MTMR8: variants seen among roughly 807,000 people sequenced by gnomAD.
MTMR8 encodes myotubularin related protein 8.
A neutral mutation model predicts 39.3 loss-of-function variants in MTMR8; 65 were observed. That is an observed-to-expected ratio of 1.65 (90% CI 1.35 to 2.03). The LOEUF (loss-of-function observed/expected upper bound fraction) is 2.03. Ranked by LOEUF, MTMR8 falls within the 30% of genes most tolerant of loss-of-function variation. The pLI, the probability that MTMR8 is intolerant of heterozygous loss-of-function variation, is 0.00. For missense variants in MTMR8, 777 were observed against 538.9 expected, an observed-to-expected ratio of 1.44 and a Z score of -4.37; for synonymous variants, 245 against 185.2, an observed-to-expected ratio of 1.32 and a Z score of -2.62.
chrX:64,392,175 A>G (rs552192629), intron 1 of MTMR8, among the ~76,000 whole-genome samples: 1 of 111,760 alleles, frequency 8.9e-6, no homozygotes, highest in South Asian at 3.8e-4. Flanking sequence ...TAAAATTGGT[A>G]GTGTCTAGAT....
At chrX:64,275,604 A>C (rs1278475827) in intron 12 of MTMR8, among the ~76,000 whole-genome samples, 1 of 100,879 alleles carries the variant, frequency 9.9e-6, no homozygotes, top group African/African-American at 3.7e-5. Flanking sequence ...GGACTGCTTG[A>C]GCCTCGTCCA....
intron 3 of MTMR8, 136 bp from the exon 4 acceptor site, chrX:64,355,070 G>C (rs1923588537): frequency 2.2e-6 from 1 of 463,814 alleles, no homozygotes; most frequent in African/African-American, 2.5e-5. Context: ...ACTGTGGTGT[G>C]TGCAAGTTTG....
chrX:64,338,836 G>A (rs1278503620), intron 8 of MTMR8, among the ~76,000 whole-genome samples: 2 of 111,888 alleles, frequency 1.8e-5, no homozygotes, highest in Non-Finnish European at 1.9e-5. Context: ...ATTTTAACAG[G>A]ACAGAGTGAG....
At chrX:64,284,737 G>A (rs1342939495) in intron 12 of MTMR8, among the ~76,000 whole-genome samples, 2 of 111,286 alleles carry the variant, frequency 1.8e-5, no homozygotes, top group East Asian at 5.6e-4. Context: ...CTTCATAAGT[G>A]AAGGAGAAAT....
chrX:64,268,734 T>C lies in MTMR8; in HGVS notation c.1918A>G (p.Met640Val), dbSNP rs776243332. The C allele has an allele frequency of 2.6e-5, 32 of 1,211,596 alleles. No homozygotes were observed. Among genetic ancestry groups the C allele is most frequent in the Non-Finnish European group, 3.0e-5 (27 of 895,426 alleles). Residue 640 changes from methionine to valine, a missense_variant, in exon 14 of 14, where the codon ATG (methionine) becomes GTG (valine). Transcript: ENST00000374852. Reference sequence around the variant, plus strand: ...AAGCCCGTAGCCTCAAAGGTGCACATGTCTCCAGAGATGCCCATGGCCTCA... The same window carrying C: ...AAGCCCGTAGCCTCAAAGGTGCACACGTCTCCAGAGATGCCCATGGCCTCA... ...ISEAMGISGD[M>V]CTFEATGFSK...
intron 12 of MTMR8, among the ~76,000 whole-genome samples, chrX:64,294,745 G>C (rs1477617095): frequency 1.8e-5 from 2 of 111,591 alleles, no homozygotes; most frequent in African/African-American, 6.5e-5. Context: ...ATGACAGAAG[G>C]AGAAAACAAT....
At chrX:64,278,416 T>A (rs764862546) in intron 12 of MTMR8, among the ~76,000 whole-genome samples, 78 of 106,334 alleles carry the variant, frequency 7.3e-4, no homozygotes, top group Non-Finnish European at 1.3e-3. Context: ...GGGGTTTCTG[T>A]GTGGATGTCC....
intron 13 of MTMR8, 81 bp downstream of exon 13, chrX:64,270,866 A>G: frequency 2.8e-6 from 3 of 1,080,948 alleles, no homozygotes; most frequent in Non-Finnish European, 3.7e-6. Flanking sequence ...TCAGCTTTCC[A>G]CAAGTATCAA....
At chrX:64,348,894 G>T in intron 5 of MTMR8, 100 bp from the exon 6 acceptor site, 2 of 930,266 alleles carry the variant, frequency 2.1e-6, no homozygotes, top group Non-Finnish European at 3.0e-6. Flanking sequence ...GAGAGGATGA[G>T]CCAACTTAAG....
chrX:64,356,671 G>C (rs932844952), intron 2 of MTMR8, among the ~76,000 whole-genome samples: 1 of 110,679 alleles, frequency 9.0e-6, no homozygotes, highest in African/African-American at 3.3e-5. Context: ...CAGAATAATT[G>C]TTACAGAGGA....
At chrX:64,274,016 C>T (rs1011734445) in intron 12 of MTMR8, among the ~76,000 whole-genome samples, 53 of 111,414 alleles carry the variant, frequency 4.8e-4, no homozygotes, top group Non-Finnish European at 4.9e-4. Flanking sequence ...TAGATTACTT[C>T]GATACTCTAC....
intron 4 of MTMR8, among the ~76,000 whole-genome samples, chrX:64,350,864 C>T (rs1469777106): frequency 1.8e-5 from 2 of 111,457 alleles, no homozygotes; most frequent in East Asian, 5.6e-4. Flanking sequence ...ACAGACCTGA[C>T]ATTGCAAAAT....
intron 1 of MTMR8, among the ~76,000 whole-genome samples, chrX:64,362,593 A>G (rs1450437022): frequency 9.2e-6 from 1 of 108,730 alleles, no homozygotes; most frequent in East Asian, 2.8e-4. Flanking sequence ...ATGGCACTAC[A>G]AATTGACAGA....
chrX:64,391,690 G>C (rs1924694297), intron 1 of MTMR8, among the ~76,000 whole-genome samples: 1 of 112,243 alleles, frequency 8.9e-6, no homozygotes, highest in Non-Finnish European at 1.9e-5. Flanking sequence ...GCCAGACATT[G>C]TTCTAAGCAC....
chrX:64,268,961 C>T lies in MTMR8; in HGVS notation c.1691G>A (p.Ser564Asn), dbSNP rs1309115105. 8.3e-7 allele frequency: 1 copy of T among 1,209,623 alleles called. No homozygotes were observed. The highest frequency in any genetic ancestry group is 1.7e-5 in the African/African-American group (1 of 57,169). The change falls in exon 14 of 14, where the codon AGT (serine) becomes AAT (asparagine). Residue 564 changes from serine to asparagine, a missense_variant. Physicochemically the swap from Ser to Asn is conservative, Grantham distance 46. Transcript: ENST00000374852. Reference protein sequence around the residue: ...LGNILSQHLGSPLTNPLGFMG... With the variant: ...LGNILSQHLGNPLTNPLGFMG... Reference sequence around the variant, plus strand: ...AAAGCCAAGAGGATTGGTCAAAGGACTTCCCAGATGCTGGGATAATATGTT... The same window carrying T: ...AAAGCCAAGAGGATTGGTCAAAGGATTTCCCAGATGCTGGGATAATATGTT...
At chrX:64,313,982 T>A (rs1020684498) in intron 12 of MTMR8, among the ~76,000 whole-genome samples, 3 of 112,005 alleles carry the variant, frequency 2.7e-5, no homozygotes, top group African/African-American at 9.8e-5. Context: ...GACCTTGGGG[T>A]TTGATTGTGG....
At chrX:64,388,137 T>G (rs1010520427) in intron 1 of MTMR8, among the ~76,000 whole-genome samples, 1 of 111,982 alleles carries the variant, frequency 8.9e-6, no homozygotes, top group Non-Finnish European at 1.9e-5. Flanking sequence ...TCTACTGTCC[T>G]GATTTGCCAC....
chrX:64,306,368 A>G, intron 12 of MTMR8: 1 of 229,193 alleles, frequency 4.4e-6, no homozygotes. Flanking sequence ...AAGCATTGTC[A>G]TCTCTTTCAA....
At chrX:64,291,722 C>T (rs975666555) in intron 12 of MTMR8, among the ~76,000 whole-genome samples, 4 of 111,764 alleles carry the variant, frequency 3.6e-5, no homozygotes, top group African/African-American at 1.3e-4. Context: ...ACCTTAAGTG[C>T]TTGGGACTCA....
Sources: gnomAD v4.1 joint callset for allele counts (sites outside exome capture counted in the v4.1 genomes callset) on GRCh38, gnomAD v4.1.1 for gene constraint, MANE v1.5 for transcripts, NCBI Gene and HGNC (gene_info 2026-07-23, HGNC 2026-07-21) for gene names.